Variants in TRHR observed in about 807,000 individuals in gnomAD.
The protein encoded by TRHR is thyrotropin releasing hormone receptor, also known as thyrotropin-releasing hormone receptor.
TRHR carries 14 observed loss-of-function variants against 28.0 expected under a neutral mutation model. The ratio of observed to expected loss-of-function variants is 0.50; its 90% confidence interval spans 0.33 to 0.78. The LOEUF is 0.78. Ranked by LOEUF, TRHR falls within the 30% of genes least tolerant of loss-of-function variation. The probability of loss-of-function intolerance (pLI) is 0.02; values close to 1 mark genes in which losing one functional copy is unlikely to be tolerated. For missense variants in TRHR, 438 were observed against 469.5 expected (o/e 0.93, Z 0.62); for synonymous variants, 176 against 171.9 (o/e 1.02, Z -0.18).
intron 2 of TRHR, among the ~76,000 whole-genome samples, chr8:109,116,506 C>T (rs949569673): frequency 9.2e-5 from 14 of 152,114 alleles, no homozygotes; most frequent in African/African-American, 2.9e-4. Flanking sequence ...TTCAAGGATT[C>T]AACTTCTTCC....
chr8:109,108,744 A>C (rs1031665926), intron 2 of TRHR, among the ~76,000 whole-genome samples: 3 of 152,170 alleles, frequency 2.0e-5, no homozygotes, highest in Non-Finnish European at 4.4e-5. Context: ...ATAATTCAAA[A>C]TGACATTTTA....
chr8:109,109,987 TA>T lies in TRHR; in HGVS notation c.790-9060del, dbSNP rs537288164. Among the ~76,000 whole-genome samples the T allele has an allele frequency of 3.0e-4, 46 of 152,298 alleles. No individual in the cohort carries two copies. The Middle Eastern group carries it at 0.014, about 45-fold the overall frequency. The stretch of plus-strand genomic sequence containing the variant: ...AGGAAGGGTCATGTCATGTTCTACA[TA>T]GCTTTATGTCATCCTGTAACTCCTA... On this transcript the variant is annotated intron_variant, in intron 2 of 2. Coordinates refer to ENST00000518632, the MANE Select transcript of TRHR (RefSeq NM_003301.7).
chr8:109,111,025 C>T (rs1295334087), intron 2 of TRHR, among the ~76,000 whole-genome samples: 7 of 151,906 alleles, frequency 4.6e-5, no homozygotes, highest in Admixed American at 6.6e-5. Context: ...TGGTGGTGCA[C>T]GCATAGAATC....
chr8:109,098,875 T>C (rs1236047548), intron 2 of TRHR, among the ~76,000 whole-genome samples: 2 of 152,170 alleles, frequency 1.3e-5, no homozygotes, highest in Non-Finnish European at 2.9e-5. Flanking sequence ...TGTGCATTCA[T>C]CTGTATGGTT....
intron 2 of TRHR, among the ~76,000 whole-genome samples, chr8:109,096,177 G>T (rs999167545): frequency 6.6e-6 from 1 of 151,948 alleles, no homozygotes; most frequent in Admixed American, 6.6e-5. Flanking sequence ...TACATATTAC[G>T]CTCCAGCAAT....
chr8:109,102,352 C>T (rs78127434), intron 2 of TRHR, among the ~76,000 whole-genome samples: 7,086 of 152,076 alleles, frequency 0.047, 202 homozygotes, highest in South Asian at 0.064. Context: ...ATATTGATGG[C>T]GCATGGTTCC....
chr8:109,087,582 T>C lies in TRHR; in HGVS notation c.70T>C (p.Tyr24His), dbSNP rs1811453618. 6.2e-7 allele frequency: 1 copy of C among 1,614,108 alleles called. No homozygotes were observed. Among genetic ancestry groups the C allele is most frequent in the African/African-American group, 1.3e-5 (1 of 74,944 alleles). Residue 24 changes from tyrosine to histidine, a missense_variant, in exon 2 of 3, where the codon TAC becomes CAC. Tyr to His is a moderately conservative substitution (Grantham distance 83). Transcript: ENST00000518632. ...GCCACGAGCAGTGGTGGCCTTAGAA[T>C]ACCAGGTGGTCACCATCTTACTTGT... ...LQPRAVVALE[Y>H]QVVTILLVLI... is the part of the protein sequence containing the mutation.
At position 109,088,026 on chromosome 8, in the gene TRHR, A is replaced by G. The variant is rs992074379; in HGVS notation, c.514A>G (p.Lys172Glu). Reference protein sequence around the residue: ...FLLDLNISTYKDAIVISCGYK... With the variant: ...FLLDLNISTYEDAIVISCGYK... ...GCTGGATCTCAATATTAGCACCTAC[A>G]AAGATGCTATTGTGATATCCTGTGG... Residue 172 changes from lysine (K) to glutamate (E), a missense_variant, in exon 2 of 3, where the codon AAA becomes GAA. Transcript: ENST00000518632. 7 of 1,614,052 alleles carry G rather than the reference A, an allele frequency of 4.3e-6. No homozygotes were observed. In the Admixed American group the frequency reaches 1.0e-4, roughly 23 times the overall value.
intron 2 of TRHR, among the ~76,000 whole-genome samples, chr8:109,103,044 A>G (rs1025485636): frequency 1.3e-5 from 2 of 152,156 alleles, no homozygotes; most frequent in Non-Finnish European, 2.9e-5. Flanking sequence ...AGACTGAATC[A>G]TATTGGATGC....
intron 2 of TRHR, among the ~76,000 whole-genome samples, chr8:109,101,978 A>G (rs1366824628): frequency 6.6e-6 from 1 of 152,176 alleles, no homozygotes; most frequent in Admixed American, 6.6e-5. Context: ...AGAAAGAATC[A>G]CAGAAATCAA....
intron 2 of TRHR, among the ~76,000 whole-genome samples, chr8:109,104,996 T>C (rs1811728197): frequency 6.6e-6 from 1 of 152,152 alleles, no homozygotes; most frequent in African/African-American, 2.4e-5. Flanking sequence ...TGTCTGATTA[T>C]CTAACAATAT....
chr8:109,091,511 G>A (rs1811516747), intron 2 of TRHR, among the ~76,000 whole-genome samples: 1 of 152,078 alleles, frequency 6.6e-6, no homozygotes, highest in South Asian at 2.1e-4. Context: ...TTTTAGGAAA[G>A]TTTAACTTAC....
chr8:109,087,358 A>T, intron 1 of TRHR, 67 bp from the exon 2 acceptor site: 1 of 814,390 alleles, frequency 1.2e-6, no homozygotes, highest in Non-Finnish European at 2.0e-6. Flanking sequence ...AGTGACGGTT[A>T]TTTGTGATTG....
chr8:109,108,319 C>T (rs913757260), intron 2 of TRHR, among the ~76,000 whole-genome samples: 1 of 152,194 alleles, frequency 6.6e-6, no homozygotes, highest in Non-Finnish European at 1.5e-5. Flanking sequence ...GATTTCCCAG[C>T]CCCTACTGGG....
chr8:109,089,766 T>C (rs72680712), intron 2 of TRHR, among the ~76,000 whole-genome samples: 2,489 of 152,292 alleles, frequency 0.016, 23 homozygotes, highest in Middle Eastern at 0.037. Context: ...TTGACAAATA[T>C]AATAAGAAAG....
intron 2 of TRHR, among the ~76,000 whole-genome samples, chr8:109,092,767 C>A (rs1811535191): frequency 6.6e-6 from 1 of 151,994 alleles, no homozygotes; most frequent in African/African-American, 2.4e-5. Context: ...TAATGCACGC[C>A]TTTTGCTGTT....
intron 2 of TRHR, among the ~76,000 whole-genome samples, chr8:109,113,786 A>ATTTTAGT (rs1214241163): frequency 1.3e-5 from 2 of 152,150 alleles, no homozygotes; most frequent in African/African-American, 4.8e-5. Flanking sequence ...ATGTTAGCTA[A>ATTTTAGT]TAGTTTTGGA....
intron 2 of TRHR, among the ~76,000 whole-genome samples, chr8:109,107,930 T>A (rs934190711): frequency 2.0e-5 from 3 of 152,174 alleles, no homozygotes; most frequent in Non-Finnish European, 4.4e-5. Flanking sequence ...ATTTTGAGTA[T>A]CATGTTTAGT....
At chr8:109,117,238 A>T (rs1811935307) in intron 2 of TRHR, among the ~76,000 whole-genome samples, 1 of 151,956 alleles carries the variant, frequency 6.6e-6, no homozygotes. Context: ...AGGGCAAAGT[A>T]TATAGGAAGG....
Sources: allele counts gnomAD v4.1 joint callset (sites outside exome capture counted in the v4.1 genomes callset), GRCh38; gene constraint gnomAD v4.1.1; transcripts MANE v1.5; gene names NCBI Gene and HGNC (gene_info 2026-07-23, HGNC 2026-07-21).